The following CSMD1 variants were observed in gnomAD, a reference collection of about 807,000 sequenced individuals.
The protein encoded by CSMD1 is CUB and sushi domain-containing protein 1.
CSMD1 carries 213 observed loss-of-function variants against 417.5 expected under a neutral mutation model. That is an observed-to-expected ratio of 0.51 (90% confidence interval 0.46 to 0.57). CSMD1 has a LOEUF of 0.57. CSMD1 is among the 20% of genes least tolerant of loss of function. The pLI is 0.00. For missense variants in CSMD1, 6,923 were observed against 4,529.7 expected, an observed-to-expected ratio of 1.53 and a Z score of -15.17; for synonymous variants, 2,862 against 1,736.8, an observed-to-expected ratio of 1.65 and a Z score of -16.11.
chr8:4,042,706 A>T (rs568504842), intron 3 of CSMD1, among the ~76,000 whole-genome samples: 3 of 151,544 alleles, frequency 2.0e-5, no homozygotes, highest in East Asian at 3.9e-4. Context: ...GGTTTCTAAC[A>T]TATGTAGAAG....
chr8:4,910,384 T>G (rs1486443081), intron 1 of CSMD1, among the ~76,000 whole-genome samples: 1 of 152,210 alleles, frequency 6.6e-6, no homozygotes, highest in Non-Finnish European at 1.5e-5. Flanking sequence ...TAAACTGGAT[T>G]GCTTATAAAC....
At chr8:3,741,770 G>T (rs746090626) in intron 6 of CSMD1, among the ~76,000 whole-genome samples, 1 of 152,120 alleles carries the variant, frequency 6.6e-6, no homozygotes, top group Non-Finnish European at 1.5e-5. Context: ...ATTTATTTGT[G>T]GGAATATGCC....
chr8:3,310,624 T>A (rs1044371595), intron 23 of CSMD1, among the ~76,000 whole-genome samples: 2 of 152,184 alleles, frequency 1.3e-5, no homozygotes, highest in Non-Finnish European at 2.9e-5. Context: ...GTAAAAAACT[T>A]TTGAGTTCAG....
chr8:3,019,971 T>C (rs796628487), intron 51 of CSMD1, among the ~76,000 whole-genome samples: 26 of 152,360 alleles, frequency 1.7e-4, no homozygotes, highest in African/African-American at 6.3e-4. Flanking sequence ...AGCACTGATG[T>C]GCAGGGTGCT....
At chr8:3,920,006 T>C (rs1269565832) in intron 5 of CSMD1, among the ~76,000 whole-genome samples, 1 of 152,028 alleles carries the variant, frequency 6.6e-6, no homozygotes, top group Non-Finnish European at 1.5e-5. Context: ...TTTTTTACTT[T>C]AGGATTTACC....
intron 5 of CSMD1, among the ~76,000 whole-genome samples, chr8:3,797,164 T>G (rs556960941): frequency 6.6e-6 from 1 of 152,046 alleles, no homozygotes; most frequent in East Asian, 1.9e-4. Flanking sequence ...TAATTGAATT[T>G]CAAAGTCTAT....
At chr8:3,544,775 T>C (rs532976215) in intron 10 of CSMD1, among the ~76,000 whole-genome samples, 109 of 152,112 alleles carry the variant, frequency 7.2e-4, no homozygotes, top group African/African-American at 2.4e-3. Context: ...ATCTTAGAAA[T>C]GTTGTTTGCT....
intron 3 of CSMD1, among the ~76,000 whole-genome samples, chr8:4,205,964 C>G (rs1455018135): frequency 6.6e-6 from 1 of 152,158 alleles, no homozygotes; most frequent in Admixed American, 6.6e-5. Flanking sequence ...TTCTTTTTCA[C>G]ACGTTTCCAT....
chr8:4,657,020 G>C (rs1325789889), intron 1 of CSMD1, among the ~76,000 whole-genome samples: 1 of 152,046 alleles, frequency 6.6e-6, no homozygotes, highest in Non-Finnish European at 1.5e-5. Flanking sequence ...GGCACGCAAA[G>C]CCACCAGGAC....
chr8:2,987,849 C>T lies in CSMD1; in HGVS notation c.8378-9049G>A, dbSNP rs142623121. ...TTGACAAGCTCCTTCCCATCCACTT[C>T]CTTAAGCCCAAGAGGAGCTTTGTTA... On this transcript the variant is annotated intron_variant, in intron 54 of 69. Coordinates refer to ENST00000635120, the MANE Select transcript of CSMD1 (RefSeq NM_033225.6). Among the ~76,000 whole-genome samples the T allele has an allele frequency of 5.1e-3, 782 of 152,276 alleles. 15 individuals carry two copies. Among genetic ancestry groups the T allele is most frequent in the Non-Finnish European group, 2.9e-3 (196 of 68,016 alleles).
intron 12 of CSMD1, among the ~76,000 whole-genome samples, chr8:3,439,607 T>C (rs1814838536): frequency 6.6e-6 from 1 of 151,920 alleles, no homozygotes; most frequent in African/African-American, 2.4e-5. Flanking sequence ...AGCTTATCTT[T>C]TCAAGTTCTT....
chr8:4,968,659 G>A (rs1226604999), intron 1 of CSMD1, among the ~76,000 whole-genome samples: 1 of 152,078 alleles, frequency 6.6e-6, no homozygotes, highest in African/African-American at 2.4e-5. Context: ...CAGCTAGTGT[G>A]GTTCAAAAGA....
At chr8:3,361,010 G>A (rs1448416127) in intron 20 of CSMD1, among the ~76,000 whole-genome samples, 1 of 151,974 alleles carries the variant, frequency 6.6e-6, no homozygotes, top group East Asian at 1.9e-4. Flanking sequence ...GATACTTTCT[G>A]AATTATCTTT....
intron 10 of CSMD1, among the ~76,000 whole-genome samples, chr8:3,510,313 C>A (rs776781283): frequency 1.3e-4 from 19 of 151,756 alleles, no homozygotes; most frequent in Non-Finnish European, 2.6e-4. Flanking sequence ...TCTTCCCATT[C>A]CCGTCACAGG....
At chr8:3,637,693 C>T (rs1797116930) in intron 7 of CSMD1, among the ~76,000 whole-genome samples, 1 of 152,132 alleles carries the variant, frequency 6.6e-6, no homozygotes, top group African/African-American at 2.4e-5. Context: ...AACTGAATTA[C>T]CTCTGGCATA....
chr8:4,160,786 A>G (rs1193964205), intron 3 of CSMD1, among the ~76,000 whole-genome samples: 1 of 152,234 alleles, frequency 6.6e-6, no homozygotes, highest in Admixed American at 6.5e-5. Flanking sequence ...GCATCATTTT[A>G]CCCGTGAAGG....
At chr8:4,308,598 T>C (rs1798384369) in intron 3 of CSMD1, among the ~76,000 whole-genome samples, 1 of 152,194 alleles carries the variant, frequency 6.6e-6, no homozygotes, top group African/African-American at 2.4e-5. Flanking sequence ...CTTAGAATAA[T>C]GGAGAGAATT....
chr8:3,781,219 A>C (rs1799163373), intron 5 of CSMD1, among the ~76,000 whole-genome samples: 1 of 152,152 alleles, frequency 6.6e-6, no homozygotes, highest in Admixed American at 6.5e-5. Context: ...AAAATTTAAA[A>C]AATTGCACCT....
At chr8:3,068,426 A>C (rs17079265) in intron 49 of CSMD1, among the ~76,000 whole-genome samples, 31,876 of 152,132 alleles carry the variant, frequency 0.21, 3,858 homozygotes, top group African/African-American at 0.33. Flanking sequence ...AAACTAAGGA[A>C]AAGTCTGTTG....
Sources: gnomAD v4.1 joint callset for allele counts (sites outside exome capture counted in the v4.1 genomes callset) on GRCh38, gnomAD v4.1.1 for gene constraint, MANE v1.5 for transcripts, NCBI Gene and HGNC (gene_info 2026-07-23, HGNC 2026-07-21) for gene names.